CNOT7: variants seen among roughly 807,000 people sequenced by gnomAD.
The protein encoded by CNOT7 is BTG1-binding factor 1.
In CNOT7, 4 loss-of-function variants were observed where a neutral mutation model predicts 37.1. The ratio of observed to expected loss-of-function variants is 0.11; its 90% CI spans 0.05 to 0.25. CNOT7 has a LOEUF of 0.25. CNOT7 is among the 10% of genes least tolerant of loss of function. The pLI, the probability that CNOT7 is intolerant of heterozygous loss-of-function variation, is 1.00. For missense variants in CNOT7, 170 were observed against 336.2 expected, an observed-to-expected ratio of 0.51 and a Z score of 3.87; for synonymous variants, 128 against 115.6, an observed-to-expected ratio of 1.11 and a Z score of -0.69.
chr8:17,236,621 A>G (rs764130529), intron 4 of CNOT7, among the ~76,000 whole-genome samples: 1 of 152,114 alleles, frequency 6.6e-6, no homozygotes, highest in Non-Finnish European at 1.5e-5. Context: ...AAAAATTAAA[A>G]TCCATCTCCA....
In CNOT7 at chr8:17,228,721, G is replaced by C. The variant is rs1290324822; in HGVS notation, c.*1999C>G. 2.6e-5 allele frequency: 4 copies of C among 151,908 alleles called. No individual in the cohort carries two copies. The highest frequency in any genetic ancestry group is 1.3e-4 in the Admixed American group (2 of 15,232). The allele number at this position is 151,908 out of a possible 1,614,324, so 9.4% of individuals were successfully genotyped here. A position where few individuals can be genotyped will look rare whatever the true frequency, so the allele number is the denominator to read the frequency against. ...GGGACAGAAGCCAGAAATGATACAA[G>C]TTATGAGATTGAGCAACTATGTGGC... On this transcript the variant is annotated 3_prime_UTR_variant, in exon 7 of 7. Transcript: ENST00000361272.
chr8:17,243,375 CT>C, intron 2 of CNOT7, 190 bp from the exon 3 acceptor site: 1 of 640,880 alleles, frequency 1.6e-6, no homozygotes, highest in Non-Finnish European at 2.8e-6. Context: ...ACTTAATAAC[CT>C]TTCCTTAAAT....
At chr8:17,238,952 G>C (rs1809766986) in intron 3 of CNOT7, among the ~76,000 whole-genome samples, 1 of 152,190 alleles carries the variant, frequency 6.6e-6, no homozygotes, top group Non-Finnish European at 1.5e-5. Context: ...CAAAGGACTT[G>C]TCAAGTGCCT....
At position 17,227,030 on chromosome 8, in the gene CNOT7, T is replaced by C. The variant is rs1444597745; in HGVS notation, c.*3690A>G. 6.7e-6 allele frequency: 1 copy of C among 150,198 alleles called. No individual in the cohort carries two copies. Among genetic ancestry groups the C allele is most frequent in the Non-Finnish European group, 1.5e-5 (1 of 67,294 alleles). The allele number at this position is 150,198 out of a possible 1,614,324, so 9.3% of individuals were successfully genotyped here. On this transcript the variant is annotated 3_prime_UTR_variant, in exon 7 of 7. Coordinates refer to ENST00000361272, the MANE Select transcript of CNOT7 (RefSeq NM_013354.7). The stretch of plus-strand genomic sequence containing the variant: ...GTTTCTCACAAAAAAAAAAAAATCA[T>C]GGAACTGAAGATGGTTAAGTCCACA...
At chr8:17,246,581 A>G (rs1421242539) in intron 1 of CNOT7, 94 bp downstream of exon 1, 1 of 152,736 alleles carries the variant, frequency 6.5e-6, no homozygotes, top group Non-Finnish European at 1.5e-5. Context: ...AGCTGGCGCC[A>G]TCGCGCACCC....
At chr8:17,237,138 C>T in intron 4 of CNOT7, 74 bp downstream of exon 4, 1 of 1,442,548 alleles carries the variant, frequency 6.9e-7, no homozygotes, top group South Asian at 1.2e-5. Flanking sequence ...AAATTGCTAA[C>T]ATAGTGACCC....
rs370779310 is a variant in CNOT7, at chr8:17,243,068, G to C, written c.235C>G (p.Leu79Val). The change falls in exon 3 of 7, where the codon CTG becomes GTG. Residue 79 changes from leucine (L) to valine (V), a missense_variant. Around this residue, in one of 6 missense-constraint regions of CNOT7, gnomAD observed 20 missense variants for 18.5 expected, o/e 1.08. Transcript: ENST00000361272. ...TCTCCTTGCTCATTCATAAATGTCA[G>C]TCCTAGCTGAATTATCTTTAACAAG... ...VDLLKIIQLG[L>V]TFMNEQGEYP... 1.2e-6 allele frequency: 2 copies of C among 1,611,048 alleles called. No homozygotes were observed. The highest frequency in any genetic ancestry group is 1.7e-5 in the Admixed American group (1 of 59,292).
chr8:17,232,205 A>G, intron 6 of CNOT7: 1 of 1,358,230 alleles, frequency 7.4e-7, no homozygotes, highest in Non-Finnish European at 9.4e-7. Flanking sequence ...ATGTTTTAAA[A>G]TTGTTGGTTC....
At position 17,243,181 on chromosome 8, in the gene CNOT7, G is replaced by C; in HGVS notation, c.122C>G (p.Thr41Ser). The C allele has an allele frequency of 6.3e-7, 1 of 1,589,984 alleles. No homozygotes were observed. The stretch of plus-strand genomic sequence containing the variant: ...TCTTGCAACCACACCTGGAAACTCG[G>C]TGTCCTGTAAAATAGTTTTAAGATT... Reference protein sequence around the residue: ...IRKYNYVAMDTEFPGVVARPI... With the variant: ...IRKYNYVAMDSEFPGVVARPI... Residue 41 changes from threonine (T) to serine (S), a missense_variant, in exon 3 of 7, where the codon ACC becomes AGC. Thr to Ser is a moderately conservative substitution (Grantham distance 58, BLOSUM62 1). Around this residue, in one of 6 missense-constraint regions of CNOT7, gnomAD observed 18 missense variants for 57.0 expected, o/e 0.32. Coordinates refer to ENST00000361272, the MANE Select transcript of CNOT7 (RefSeq NM_013354.7).
chr8:17,230,317 A>C lies in CNOT7; in HGVS notation c.*403T>G, dbSNP rs1344379511. Reference sequence around the variant, plus strand: ...TGCAAAACTGATGGTCCACGATCTCAAATAGCTAAAACTCCTGCAGAATGG... The same window carrying C: ...TGCAAAACTGATGGTCCACGATCTCCAATAGCTAAAACTCCTGCAGAATGG... On this transcript the variant is annotated 3_prime_UTR_variant, in exon 7 of 7. Transcript: ENST00000361272. 1 of 153,366 alleles carries C rather than the reference A, an allele frequency of 6.5e-6. No homozygotes were observed. The highest frequency in any genetic ancestry group is 1.9e-4 in the East Asian group (1 of 5,210). 9.5% of individuals were successfully genotyped at this position (153,366 alleles called of 1,614,324 possible).
At chr8:17,245,595 T>C (rs1285471048) in intron 1 of CNOT7, among the ~76,000 whole-genome samples, 2 of 152,316 alleles carry the variant, frequency 1.3e-5, no homozygotes, top group African/African-American at 2.4e-5. Flanking sequence ...AAATTACTTA[T>C]TTACATGTGA....
Position 17,227,465 on chromosome 8 carries a change from A to C in CNOT7, c.*3255T>G, listed in dbSNP as rs1161890474. 1 of 151,850 alleles carries C rather than the reference A, an allele frequency of 6.6e-6. No homozygotes were observed. The highest frequency in any genetic ancestry group is 1.5e-5 in the Non-Finnish European group (1 of 67,790). 9.4% of individuals were successfully genotyped at this position (151,850 alleles called of 1,614,324 possible). On this transcript the variant is annotated 3_prime_UTR_variant, in exon 7 of 7. Transcript: ENST00000361272. ...AACTACTGTTCTCATCAAAGGGCTG[A>C]TGTCTTAATTTTCTCTGGACACATG...
chr8:17,243,071 C>G lies in CNOT7; in HGVS notation c.232G>C (p.Gly78Arg). The G allele has an allele frequency of 6.2e-7, 1 of 1,611,646 alleles. No homozygotes were observed. The highest frequency in any genetic ancestry group is 8.5e-7 in the Non-Finnish European group (1 of 1,179,256). Reference protein sequence around the residue: ...NVDLLKIIQLGLTFMNEQGEY... With the variant: ...NVDLLKIIQLRLTFMNEQGEY... The stretch of plus-strand genomic sequence containing the variant: ...CCTTGCTCATTCATAAATGTCAGTC[C>G]TAGCTGAATTATCTTTAACAAGTCT... Residue 78 changes from glycine (G) to arginine (R), a missense_variant, in exon 3 of 7, where the codon GGA (glycine) becomes CGA (arginine). Gly to Arg is a moderately radical substitution (Grantham distance 125). This residue lies in a region of CNOT7 where 20 missense variants were observed against 18.5 expected (regional missense o/e 1.08). Transcript: ENST00000361272.
At chr8:17,239,477 G>C (rs944889307) in intron 3 of CNOT7, among the ~76,000 whole-genome samples, 1 of 152,086 alleles carries the variant, frequency 6.6e-6, no homozygotes, top group African/African-American at 2.4e-5. Flanking sequence ...CTATCCTATT[G>C]AATTACTGCA....
At chr8:17,232,310 T>C in intron 6 of CNOT7, 117 bp downstream of exon 6, 1 of 1,563,690 alleles carries the variant, frequency 6.4e-7, no homozygotes, top group Admixed American at 2.1e-5. Flanking sequence ...ACTCATATGG[T>C]ATCTCTAATT....
chr8:17,231,829 G>C, intron 6 of CNOT7: 2 of 985,700 alleles, frequency 2.0e-6, no homozygotes, highest in South Asian at 4.7e-5. Flanking sequence ...CGTTTAAGGA[G>C]GGTTTTCCTA....
chr8:17,246,092 C>G (rs554846289), intron 1 of CNOT7: 3 of 152,370 alleles, frequency 2.0e-5, no homozygotes, highest in African/African-American at 4.8e-5. Flanking sequence ...CTCTCCCACC[C>G]CGATAGGCAC....
In CNOT7 at chr8:17,225,524, A is replaced by C. The variant is rs1181631810; in HGVS notation, c.*5196T>G. On this transcript the variant is annotated 3_prime_UTR_variant, in exon 7 of 7. Transcript: ENST00000361272. ...GAAATTGCTCAATTGCTTTTATACT[A>C]AACGTTAAATGTAACTAATGCTGTA... The C allele has an allele frequency of 6.6e-6, 1 of 151,778 alleles. No homozygotes were observed. Among genetic ancestry groups the C allele is most frequent in the African/African-American group, 2.4e-5 (1 of 41,426 alleles). 9.4% of individuals were successfully genotyped at this position (151,778 alleles called of 1,614,324 possible).
rs1020700739 is a variant in CNOT7 at position 17,226,405 on chromosome 8, C to G, written c.*4315G>C. The G allele has an allele frequency of 6.6e-6, 1 of 151,550 alleles. No homozygotes were observed. Among genetic ancestry groups the G allele is most frequent in the Non-Finnish European group, 1.5e-5 (1 of 67,648 alleles). The allele number at this position is 151,550 out of a possible 1,614,324, so 9.4% of individuals were successfully genotyped here. A position where few individuals can be genotyped will look rare whatever the true frequency, so the allele number is the denominator to read the frequency against. ...TTCACACAAACAGGTCAAGGTACTGCTAAATACTGACACATCCACCCATGA... is the reference window on the plus strand; with the variant it reads ...TTCACACAAACAGGTCAAGGTACTGGTAAATACTGACACATCCACCCATGA... On this transcript the variant is annotated 3_prime_UTR_variant, in exon 7 of 7. Coordinates refer to ENST00000361272, the MANE Select transcript of CNOT7 (RefSeq NM_013354.7).
Sources: allele counts gnomAD v4.1 joint callset (sites outside exome capture counted in the v4.1 genomes callset), GRCh38; gene constraint gnomAD v4.1.1; regional missense constraint gnomAD v4.1.1; transcripts MANE v1.5; gene names NCBI Gene and HGNC (gene_info 2026-07-23, HGNC 2026-07-21).